NETO2: variants seen among roughly 807,000 people sequenced by gnomAD.
NETO2 encodes the protein neuropilin and tolloid like 2.
NETO2 carries 28 observed loss-of-function variants against 62.5 expected under a neutral mutation model. The ratio of observed to expected loss-of-function variants is 0.45; its 90% CI spans 0.33 to 0.61. NETO2 has a LOEUF of 0.61. Among genes scored for constraint, NETO2 ranks in the 20% least tolerant of loss-of-function variants. The pLI, the probability that NETO2 is intolerant of heterozygous loss-of-function variation, is 0.02. For synonymous variants in NETO2, 214 were observed against 219.1 expected (o/e 0.98, Z 0.21); for missense variants, 548 against 643.2 (o/e 0.85, Z 1.60).
At chr16:47,129,950 C>G (rs1249253313) in intron 2 of NETO2, among the ~76,000 whole-genome samples, 1 of 152,118 alleles carries the variant, frequency 6.6e-6, no homozygotes, top group Non-Finnish European at 1.5e-5. Flanking sequence ...TGAAATTGGG[C>G]TTTTTAAAAA....
chr16:47,094,852 CATACCACCACGCCCAGCTA>C (rs1431470146), intron 7 of NETO2, among the ~76,000 whole-genome samples: 1 of 152,154 alleles, frequency 6.6e-6, no homozygotes, highest in African/African-American at 2.4e-5. Context: ...CTGAGTGGTG[CATACCACCACGCCCAGCTA>C]ATTTTTGTAT....
intron 7 of NETO2, among the ~76,000 whole-genome samples, chr16:47,087,338 T>C (rs1963215878): frequency 1.3e-5 from 2 of 152,090 alleles, no homozygotes; most frequent in Non-Finnish European, 2.9e-5. Context: ...AATTACATAT[T>C]AATTATTGTA....
intron 6 of NETO2, among the ~76,000 whole-genome samples, chr16:47,113,456 A>G (rs549998109): frequency 1.3e-5 from 2 of 152,286 alleles, no homozygotes; most frequent in Admixed American, 6.5e-5. Context: ...ATGAAATCAC[A>G]CAGCATGTAT....
At chr16:47,117,777 T>A (rs1963952217) in intron 6 of NETO2, among the ~76,000 whole-genome samples, 1 of 152,202 alleles carries the variant, frequency 6.6e-6, no homozygotes, top group South Asian at 2.1e-4. Flanking sequence ...CATGGTTCTA[T>A]CACTGCTTTA....
At chr16:47,106,197 G>A (rs932352363) in intron 7 of NETO2, among the ~76,000 whole-genome samples, 23 of 152,100 alleles carry the variant, frequency 1.5e-4, no homozygotes, top group Non-Finnish European at 3.1e-4. Context: ...AGTGAAATAA[G>A]CCAGACATAA....
At chr16:47,103,598 A>C (rs962059360) in intron 7 of NETO2, among the ~76,000 whole-genome samples, 2 of 152,144 alleles carry the variant, frequency 1.3e-5, no homozygotes, top group African/African-American at 2.4e-5. Context: ...AAACCTAAAG[A>C]CCAATATCCC....
At chr16:47,107,740 C>T (rs1963704752) in intron 7 of NETO2, among the ~76,000 whole-genome samples, 1 of 152,252 alleles carries the variant, frequency 6.6e-6, no homozygotes, top group Non-Finnish European at 1.5e-5. Context: ...GGCTGAAGCT[C>T]GGGCTTTGAG....
At chr16:47,119,053 A>G (rs912951028) in intron 6 of NETO2, among the ~76,000 whole-genome samples, 2 of 151,820 alleles carry the variant, frequency 1.3e-5, no homozygotes, top group Non-Finnish European at 2.9e-5. Context: ...TTTGTTTGGC[A>G]GATCTACTTT....
chr16:47,115,697 TTATA>T (rs1261414157), intron 6 of NETO2, among the ~76,000 whole-genome samples: 3 of 117,884 alleles, frequency 2.5e-5, no homozygotes, highest in Admixed American at 7.9e-5. Flanking sequence ...CGGCTAATTT[TTATA>T]TATATATATA....
chr16:47,122,786 T>C lies in NETO2; in HGVS notation c.527-2A>G. 1 of 1,613,962 alleles carries C rather than the reference T, an allele frequency of 6.2e-7. No individual in the cohort carries two copies. The highest frequency in any genetic ancestry group is 8.5e-7 in the Non-Finnish European group (1 of 1,179,990). ...CTCCCGAGAGCTCGAACTGACAATC[T>C]GGAAGGAATACATGAAAGGTGTTCA... On this transcript the variant is annotated splice_acceptor_variant, in intron 5 of 8. Transcript: ENST00000562435. LOFTEE classifies it high-confidence loss of function.
chr16:47,131,926 A>G (rs1964273485), intron 2 of NETO2, 43 bp downstream of exon 2: 1 of 1,530,536 alleles, frequency 6.5e-7, no homozygotes, highest in South Asian at 1.1e-5. Flanking sequence ...AAGCCAGTCC[A>G]TTGTCTTAAA....
At chr16:47,107,331 C>T (rs1416479491) in intron 7 of NETO2, among the ~76,000 whole-genome samples, 2 of 152,152 alleles carry the variant, frequency 1.3e-5, no homozygotes, top group Non-Finnish European at 2.9e-5. Flanking sequence ...AATGTACAGA[C>T]ACCATGATGT....
intron 6 of NETO2, 128 bp from the exon 7 acceptor site, chr16:47,109,839 C>T (rs1173613335): frequency 1.6e-6 from 1 of 639,320 alleles, no homozygotes; most frequent in East Asian, 2.8e-5. Context: ...CGATAAATGG[C>T]TGATGCCTAA....
chr16:47,083,676 T>C lies in NETO2; in HGVS notation c.1123A>G (p.Lys375Glu). 3.1e-6 allele frequency: 5 copies of C among 1,614,210 alleles called. No homozygotes were observed. The highest frequency in any genetic ancestry group is 1.1e-5 in the South Asian group (1 of 91,082). The change falls in exon 9 of 9, where the codon AAA becomes GAA. Residue 375 changes from lysine to glutamate, a missense_variant. Physicochemically the swap from Lys to Glu is moderately conservative, Grantham distance 56. Transcript: ENST00000562435. ...SILVQVKQPR[K>E]KVMACKTAFN... is the part of the protein sequence containing the mutation. The stretch of plus-strand genomic sequence containing the variant: ...GCGGTTTTGCAAGCCATGACCTTTT[T>C]TCGAGGCTGTTTCACTTGTACTAAA...
At chr16:47,135,591 C>G (rs1474967087) in intron 1 of NETO2, among the ~76,000 whole-genome samples, 1 of 152,062 alleles carries the variant, frequency 6.6e-6, no homozygotes, top group Non-Finnish European at 1.5e-5. Context: ...AATGAAGTCA[C>G]TCAGATGATA....
At chr16:47,089,281 T>C (rs1171914509) in intron 7 of NETO2, among the ~76,000 whole-genome samples, 4 of 152,258 alleles carry the variant, frequency 2.6e-5, no homozygotes, top group East Asian at 1.9e-4. Flanking sequence ...ACTTGGGAAA[T>C]AGCACCATGC....
chr16:47,085,107 T>A (rs1963157200), intron 8 of NETO2, among the ~76,000 whole-genome samples: 1 of 152,176 alleles, frequency 6.6e-6, no homozygotes, highest in Non-Finnish European at 1.5e-5. Context: ...TTGCAGACAT[T>A]CAACCATTAC....
In NETO2 at chr16:47,082,269, A is replaced by G. The variant is rs1963080670; in HGVS notation, c.*952T>C. 6.6e-6 allele frequency: 1 copy of G among 152,542 alleles called. No individual in the cohort carries two copies. Among genetic ancestry groups the G allele is most frequent in the African/African-American group, 2.4e-5 (1 of 41,458 alleles). The allele number at this position is 152,542 out of a possible 1,614,324, so 9.4% of individuals were successfully genotyped here. A position where few individuals can be genotyped will look rare whatever the true frequency, so the allele number is the denominator to read the frequency against. The stretch of plus-strand genomic sequence containing the variant: ...ACTGGCATCTAACCTTGGTTACCAT[A>G]TGCTGTAAGCAAAACCAACAGAATG... On this transcript the variant is annotated 3_prime_UTR_variant, in exon 9 of 9. Transcript: ENST00000562435.
chr16:47,088,081 A>G (rs976340513), intron 7 of NETO2, among the ~76,000 whole-genome samples: 1 of 152,198 alleles, frequency 6.6e-6, no homozygotes, highest in African/African-American at 2.4e-5. Flanking sequence ...TCAGTACGAC[A>G]GAAGCCCAAA....
Sources: gnomAD v4.1 joint callset for allele counts (sites outside exome capture counted in the v4.1 genomes callset) on GRCh38, gnomAD v4.1.1 for gene constraint, MANE v1.5 for transcripts, NCBI Gene and HGNC (gene_info 2026-07-23, HGNC 2026-07-21) for gene names.